The following SLC35F3 variants were observed in gnomAD, a reference collection of about 807,000 sequenced individuals.
The protein encoded by SLC35F3 is putative thiamine transporter SLC35F3.
In SLC35F3, 25 loss-of-function variants were observed where a neutral mutation model predicts 49.9. The ratio of observed to expected loss-of-function variants is 0.50; its 90% confidence interval spans 0.37 to 0.70. SLC35F3 has a LOEUF of 0.70. Ranked by LOEUF, SLC35F3 falls within the 30% of genes least tolerant of loss-of-function variation. The pLI is 0.00. For missense variants in SLC35F3, 525 were observed against 639.8 expected (o/e 0.82, Z 1.94); for synonymous variants, 275 against 265.4 (o/e 1.04, Z -0.35).
intron 2 of SLC35F3, among the ~76,000 whole-genome samples, chr1:233,947,291 C>T (rs1330564653): frequency 6.6e-6 from 1 of 151,938 alleles, no homozygotes; most frequent in African/African-American, 2.4e-5. Flanking sequence ...GGGCATATGT[C>T]CATACTCCCA....
intron 2 of SLC35F3, among the ~76,000 whole-genome samples, chr1:234,114,879 G>A (rs1456754884): frequency 6.6e-6 from 1 of 152,172 alleles, no homozygotes; most frequent in Non-Finnish European, 1.5e-5. Context: ...GAGATGCGGC[G>A]TGCATTTTGC....
intron 2 of SLC35F3, among the ~76,000 whole-genome samples, chr1:234,152,524 A>G (rs1481806432): frequency 1.3e-5 from 2 of 152,140 alleles, no homozygotes; most frequent in Non-Finnish European, 2.9e-5. Flanking sequence ...GATGGTTTCC[A>G]GCTTCATCCA....
Position 234,309,162 on chromosome 1 carries a change from G to T in SLC35F3, c.670G>T (p.Ala224Ser), listed in dbSNP as rs1657287432. ...LTLKVFFTKA[A>S]PFGVLWTLTN... ...TTTGAAGGTGTTTTTTACCAAGGCA[G>T]CACCCTTTGGTGTTCTTTGGACACT... Residue 224 changes from alanine (A) to serine (S), a missense_variant, in exon 4 of 8, where the codon GCA (alanine) becomes TCA (serine). Coordinates refer to ENST00000366618, the MANE Select transcript of SLC35F3 (RefSeq NM_173508.4). The T allele has an allele frequency of 1.2e-6, 2 of 1,614,186 alleles. No homozygotes were observed. Among genetic ancestry groups the T allele is most frequent in the Non-Finnish European group, 1.7e-6 (2 of 1,180,018 alleles).
At chr1:233,940,178 A>G (rs1166382433) in intron 2 of SLC35F3, among the ~76,000 whole-genome samples, 1 of 152,120 alleles carries the variant, frequency 6.6e-6, no homozygotes. Context: ...TAATCTATGT[A>G]TGCATATATT....
At chr1:233,935,795 C>T (rs935875376) in intron 2 of SLC35F3, among the ~76,000 whole-genome samples, 6 of 152,178 alleles carry the variant, frequency 3.9e-5, no homozygotes, top group Admixed American at 1.3e-4. Context: ...CAAATTGACA[C>T]GTTACTCTAT....
intron 2 of SLC35F3, among the ~76,000 whole-genome samples, chr1:234,166,727 C>T (rs1219214230): frequency 1.3e-5 from 2 of 152,204 alleles, no homozygotes; most frequent in African/African-American, 4.8e-5. Flanking sequence ...GAATGCTGTG[C>T]GGATTGCACT....
chr1:233,969,063 G>C (rs190340418), intron 2 of SLC35F3, among the ~76,000 whole-genome samples: 13 of 150,610 alleles, frequency 8.6e-5, no homozygotes, highest in African/African-American at 2.9e-4. Flanking sequence ...CATATTTTGG[G>C]GGGGGGGACA....
chr1:233,995,600 A>G (rs1663445244), intron 2 of SLC35F3, among the ~76,000 whole-genome samples: 1 of 152,218 alleles, frequency 6.6e-6, no homozygotes, highest in Non-Finnish European at 1.5e-5. Flanking sequence ...AATTGCTTCT[A>G]CATATTTTCT....
At chr1:233,930,022 G>A (rs1662217224) in intron 2 of SLC35F3, among the ~76,000 whole-genome samples, 1 of 152,098 alleles carries the variant, frequency 6.6e-6, no homozygotes, top group East Asian at 1.9e-4. Context: ...AGTGGTTCAC[G>A]ACTCTAGTCC....
intron 2 of SLC35F3, among the ~76,000 whole-genome samples, chr1:234,135,831 G>A (rs1318439787): frequency 1.3e-5 from 2 of 152,210 alleles, no homozygotes; most frequent in African/African-American, 4.8e-5. Flanking sequence ...AGCTTGTCAG[G>A]GAATGGTGGG....
intron 2 of SLC35F3, among the ~76,000 whole-genome samples, chr1:234,207,765 T>C (rs1666995754): frequency 6.6e-6 from 1 of 151,922 alleles, no homozygotes; most frequent in South Asian, 2.1e-4. Context: ...GCTTTGAGAG[T>C]CCAAGGCAGG....
At chr1:234,139,864 C>T (rs1316038449) in intron 2 of SLC35F3, among the ~76,000 whole-genome samples, 3 of 151,598 alleles carry the variant, frequency 2.0e-5, no homozygotes, top group South Asian at 4.2e-4. Context: ...AGGAGAATCG[C>T]TTGAACCCGG....
intron 2 of SLC35F3, among the ~76,000 whole-genome samples, chr1:234,020,828 T>C (rs1663883131): frequency 6.6e-6 from 1 of 152,204 alleles, no homozygotes; most frequent in Non-Finnish European, 1.5e-5. Flanking sequence ...TTTTCTCCAG[T>C]GTTCCTAGGC....
intron 2 of SLC35F3, among the ~76,000 whole-genome samples, chr1:233,945,924 C>T (rs1355368426): frequency 6.6e-6 from 1 of 152,196 alleles, no homozygotes; most frequent in African/African-American, 2.4e-5. Context: ...AATACAGATA[C>T]ATTCAATGTT....
At chr1:234,111,382 C>A in intron 2 of SLC35F3, among the ~76,000 whole-genome samples, 1 of 152,156 alleles carries the variant, frequency 6.6e-6, no homozygotes, top group Non-Finnish European at 1.5e-5. Flanking sequence ...ACCTCCACCT[C>A]CCAGGTCCAA....
chr1:234,106,738 ACCTGCC>A (rs1558230906), intron 2 of SLC35F3, among the ~76,000 whole-genome samples: 2 of 152,164 alleles, frequency 1.3e-5, no homozygotes, highest in African/African-American at 4.8e-5. Context: ...AGTCCATAGC[ACCTGCC>A]CCTTTACTTT....
At chr1:234,068,872 AT>A (rs1335237578) in intron 2 of SLC35F3, among the ~76,000 whole-genome samples, 1 of 126,810 alleles carries the variant, frequency 7.9e-6, no homozygotes, top group Non-Finnish European at 1.6e-5. Context: ...ATTTATATAT[AT>A]TTTACATATT....
At chr1:234,270,055 TCA>T (rs1171116647) in intron 3 of SLC35F3, among the ~76,000 whole-genome samples, 2 of 152,152 alleles carry the variant, frequency 1.3e-5, no homozygotes, top group Non-Finnish European at 2.9e-5. Flanking sequence ...ACACTAACCT[TCA>T]CATCTTCATT....
intron 3 of SLC35F3, among the ~76,000 whole-genome samples, chr1:234,237,722 T>A (rs1349811768): frequency 6.6e-6 from 1 of 152,206 alleles, no homozygotes; most frequent in Admixed American, 6.5e-5. Flanking sequence ...CCACAAAATC[T>A]TTCCAGCACC....
Sources: gnomAD v4.1 joint callset for allele counts (sites outside exome capture counted in the v4.1 genomes callset) on GRCh38, gnomAD v4.1.1 for gene constraint, MANE v1.5 for transcripts, NCBI Gene and HGNC (gene_info 2026-07-23, HGNC 2026-07-21) for gene names.